ADARB1: variants seen among roughly 807,000 people sequenced by gnomAD.
The protein encoded by ADARB1 is adenosine deaminase RNA specific B1, also known as double-stranded RNA-specific editase 1.
ADARB1 carries 10 observed loss-of-function variants against 52.4 expected under a neutral mutation model. The observed-to-expected ratio is 0.19, with a 90% CI of 0.12 to 0.32. The LOEUF is 0.32. Among genes scored for constraint, ADARB1 ranks in the 10% least tolerant of loss-of-function variants. The pLI is 1.00. For synonymous variants in ADARB1, 349 were observed against 371.1 expected (o/e 0.94, Z 0.68); for missense variants, 643 against 922.3 (o/e 0.70, Z 3.92).
chr21:45,209,569 A>G (rs1469393338), intron 9 of ADARB1, among the ~76,000 whole-genome samples: 3 of 152,184 alleles, frequency 2.0e-5, no homozygotes, highest in East Asian at 3.9e-4. Flanking sequence ...TACCCCAAGG[A>G]CACGTCAAGA....
intron 1 of ADARB1, among the ~76,000 whole-genome samples, chr21:45,102,591 A>G (rs967449297): frequency 2.6e-5 from 4 of 152,228 alleles, no homozygotes; most frequent in East Asian, 1.9e-4. Context: ...ACCCACATCA[A>G]TGGGTGGTGT....
intron 1 of ADARB1, among the ~76,000 whole-genome samples, chr21:45,109,071 G>A (rs918769748): frequency 6.6e-6 from 1 of 152,236 alleles, no homozygotes; most frequent in Non-Finnish European, 1.5e-5. Context: ...ACAGAGCTAG[G>A]ACCAGACCAG....
Position 45,224,342 on chromosome 21 carries a change from T to C in ADARB1, c.*2145T>C. 1 of 985,446 alleles carries C rather than the reference T, an allele frequency of 1.0e-6. No individual in the cohort carries two copies. Among genetic ancestry groups the C allele is most frequent in the Non-Finnish European group, 1.2e-6 (1 of 830,016 alleles). 61.0% of individuals were successfully genotyped at this position (985,446 alleles called of 1,614,324 possible). A position where few individuals can be genotyped will look rare whatever the true frequency, so the allele number is the denominator to read the frequency against. On this transcript the variant is annotated 3_prime_UTR_variant, in exon 11 of 11. Transcript: ENST00000348831. ...ACCCCAAATAAGTGAGTGCCTCACC[T>C]TGTGGGGCCTGAGCAGCTACCTTGA...
chr21:45,085,772 T>C (rs1281423033), intron 1 of ADARB1, among the ~76,000 whole-genome samples: 1 of 152,202 alleles, frequency 6.6e-6, no homozygotes, highest in African/African-American at 2.4e-5. Flanking sequence ...TTTAATTTTA[T>C]CCCTCTAATG....
intron 2 of ADARB1, among the ~76,000 whole-genome samples, chr21:45,159,569 G>T (rs934317823): frequency 6.6e-6 from 1 of 152,174 alleles, no homozygotes; most frequent in African/African-American, 2.4e-5. Flanking sequence ...ATGACCAGGG[G>T]CTCAGTAATG....
chr21:45,209,051 A>G (rs28525051), intron 9 of ADARB1, among the ~76,000 whole-genome samples: 1 of 152,122 alleles, frequency 6.6e-6, no homozygotes, highest in South Asian at 2.1e-4. Context: ...GGTTACCCCA[A>G]TTTTTTAAAA....
chr21:45,147,727 G>A (rs940784137), intron 2 of ADARB1, among the ~76,000 whole-genome samples: 4 of 152,182 alleles, frequency 2.6e-5, no homozygotes, highest in South Asian at 2.1e-4. Flanking sequence ...TGCTCAGCGC[G>A]TTCTGCAGTT....
At chr21:45,193,295 A>G (rs191422661) in intron 8 of ADARB1, among the ~76,000 whole-genome samples, 1 of 152,356 alleles carries the variant, frequency 6.6e-6, no homozygotes, top group Non-Finnish European at 1.5e-5. Flanking sequence ...CACCATATTA[A>G]CAAACTAAAA....
intron 1 of ADARB1, among the ~76,000 whole-genome samples, chr21:45,082,406 T>C (rs1478381265): frequency 6.6e-6 from 1 of 152,254 alleles, no homozygotes; most frequent in African/African-American, 2.4e-5. Context: ...AGTCAGACTG[T>C]TGTAAGCCAG....
At chr21:45,182,850 G>A in intron 6 of ADARB1, 97 bp downstream of exon 6, 7 of 1,177,232 alleles carry the variant, frequency 5.9e-6, no homozygotes, top group East Asian at 2.6e-5. Context: ...CTGTAATCAT[G>A]GAAAATCTCT....
At chr21:45,126,774 C>T (rs985565893) in intron 1 of ADARB1, among the ~76,000 whole-genome samples, 10 of 152,298 alleles carry the variant, frequency 6.6e-5, no homozygotes, top group Middle Eastern at 3.4e-3. Flanking sequence ...CATTCTCACA[C>T]TTGATGTTTA....
intron 1 of ADARB1, among the ~76,000 whole-genome samples, chr21:45,088,828 C>T (rs2086448622): frequency 6.6e-6 from 1 of 152,210 alleles, no homozygotes; most frequent in East Asian, 1.9e-4. Flanking sequence ...TCATATGCCG[C>T]CCCACACCAC....
intron 2 of ADARB1, among the ~76,000 whole-genome samples, chr21:45,158,699 G>A (rs1174211064): frequency 1.3e-5 from 2 of 152,164 alleles, no homozygotes; most frequent in Non-Finnish European, 2.9e-5. Flanking sequence ...CCCCGCGGGT[G>A]TCCCTCTGCT....
At chr21:45,217,888 T>C (rs1392381368) in intron 9 of ADARB1, among the ~76,000 whole-genome samples, 1 of 152,244 alleles carries the variant, frequency 6.6e-6, no homozygotes, top group African/African-American at 2.4e-5. Flanking sequence ...AGACATTGCT[T>C]CCCTGACTTG....
intron 1 of ADARB1, among the ~76,000 whole-genome samples, chr21:45,120,008 C>T (rs2088068899): frequency 1.3e-5 from 2 of 152,262 alleles, no homozygotes; most frequent in Non-Finnish European, 2.9e-5. Flanking sequence ...CAGCTCTGCA[C>T]AGGAGCCTCC....
In ADARB1 at chr21:45,223,982, G is replaced by C. The variant is rs117895085; in HGVS notation, c.*1785G>C. ...AGCAGTCACAGCAGGCGTCTCTGCC[G>C]CTCCGTCACCACAGTGGGGTTTTGT... On this transcript the variant is annotated 3_prime_UTR_variant, in exon 11 of 11. Coordinates refer to ENST00000348831, the MANE Select transcript of ADARB1 (RefSeq NM_001112.4). 3.0e-6 allele frequency: 3 copies of C among 985,266 alleles called. No individual in the cohort carries two copies. In the African/African-American group the frequency reaches 5.2e-5, roughly 17 times the overall value. 61.0% of individuals were successfully genotyped at this position (985,266 alleles called of 1,614,324 possible). A position where few individuals can be genotyped will look rare whatever the true frequency, so the allele number is the denominator to read the frequency against.
chr21:45,191,447 A>G (rs1373076720), intron 8 of ADARB1, among the ~76,000 whole-genome samples: 1 of 152,166 alleles, frequency 6.6e-6, no homozygotes, highest in African/African-American at 2.4e-5. Context: ...TCATGCTAGG[A>G]AAATTCTGTT....
intron 9 of ADARB1, among the ~76,000 whole-genome samples, chr21:45,218,137 A>G (rs2092901623): frequency 6.6e-6 from 1 of 152,090 alleles, no homozygotes; most frequent in South Asian, 2.1e-4. Context: ...CTTCAGATAT[A>G]TTTTCCGTTC....
At chr21:45,124,893 G>C (rs1026490447) in intron 1 of ADARB1, among the ~76,000 whole-genome samples, 1 of 151,330 alleles carries the variant, frequency 6.6e-6, no homozygotes, top group Non-Finnish European at 1.5e-5. Context: ...GACCATTCAG[G>C]CTCAGGTGAT....
Sources: allele counts gnomAD v4.1 joint callset (sites outside exome capture counted in the v4.1 genomes callset), GRCh38; gene constraint gnomAD v4.1.1; transcripts MANE v1.5; gene names NCBI Gene and HGNC (gene_info 2026-07-23, HGNC 2026-07-21).